The following ZNF385D variants were observed in gnomAD, a reference collection of about 807,000 sequenced individuals.
ZNF385D encodes zinc finger protein 659.
In ZNF385D, 15 loss-of-function variants were observed where a neutral mutation model predicts 35.8. That is an observed-to-expected ratio of 0.42 (90% CI 0.28 to 0.64). ZNF385D has a LOEUF of 0.64. Among genes scored for constraint, ZNF385D ranks in the 30% least tolerant of loss-of-function variants. The probability of loss-of-function intolerance (pLI) is 0.23; values close to 1 mark genes in which losing one functional copy is unlikely to be tolerated. For missense variants in ZNF385D, 474 were observed against 494.6 expected (o/e 0.96, Z 0.39); for synonymous variants, 212 against 186.8 (o/e 1.13, Z -1.10).
chr3:21,762,511 C>T (rs547088889), intron 3 of ZNF385D, among the ~76,000 whole-genome samples: 2 of 152,266 alleles, frequency 1.3e-5, no homozygotes, highest in South Asian at 4.2e-4. Context: ...AAGACTAATG[C>T]CCTTTATCAC....
At chr3:21,760,879 AATTT>A (rs1261751414) in intron 3 of ZNF385D, among the ~76,000 whole-genome samples, 2 of 152,144 alleles carry the variant, frequency 1.3e-5, no homozygotes, top group African/African-American at 2.4e-5. Context: ...TTTTAAATAT[AATTT>A]ATTTATATTT....
chr3:21,823,175 A>T (rs573371808), intron 3 of ZNF385D, among the ~76,000 whole-genome samples: 1 of 152,318 alleles, frequency 6.6e-6, no homozygotes, highest in African/African-American at 2.4e-5. Flanking sequence ...TATGCTCCAT[A>T]AAAACTTTAA....
intron 2 of ZNF385D, among the ~76,000 whole-genome samples, chr3:22,264,947 CAG>C (rs1559487230): frequency 1.3e-5 from 2 of 151,954 alleles, no homozygotes; most frequent in Admixed American, 1.3e-4. Context: ...GTAGTAGCCT[CAG>C]AAGTTCCTCT....
chr3:21,785,293 G>A (rs2071644625), intron 3 of ZNF385D, among the ~76,000 whole-genome samples: 1 of 152,036 alleles, frequency 6.6e-6, no homozygotes, highest in African/African-American at 2.4e-5. Flanking sequence ...ATAACTTGAT[G>A]ATTTCATATA....
intron 3 of ZNF385D, among the ~76,000 whole-genome samples, chr3:21,923,993 G>A (rs1700602660): frequency 6.6e-6 from 1 of 152,140 alleles, no homozygotes; most frequent in Non-Finnish European, 1.5e-5. Context: ...AAATGTGAAT[G>A]CTGAAAACTT....
intron 3 of ZNF385D, among the ~76,000 whole-genome samples, chr3:21,954,418 T>C (rs1204302792): frequency 6.6e-6 from 1 of 151,968 alleles, no homozygotes; most frequent in Admixed American, 6.6e-5. Context: ...TTTTAATTAT[T>C]TTATAGGCTC....
At chr3:22,105,193 T>C (rs1207678318) in intron 3 of ZNF385D, among the ~76,000 whole-genome samples, 1 of 152,046 alleles carries the variant, frequency 6.6e-6, no homozygotes, top group Non-Finnish European at 1.5e-5. Flanking sequence ...CTTCTGTATA[T>C]CAGAACCATA....
At chr3:22,157,344 C>A (rs1705654441) in intron 3 of ZNF385D, among the ~76,000 whole-genome samples, 1 of 152,070 alleles carries the variant, frequency 6.6e-6, no homozygotes, top group Admixed American at 6.6e-5. Flanking sequence ...TGTTACTCAT[C>A]ATTTATATTT....
intron 3 of ZNF385D, among the ~76,000 whole-genome samples, chr3:22,164,140 T>C (rs1158654690): frequency 1.3e-5 from 2 of 151,764 alleles, no homozygotes; most frequent in South Asian, 2.1e-4. Context: ...GTGAAATTTA[T>C]GGCATATAAC....
upstream of ZNF385D, among the ~76,000 whole-genome samples, chr3:21,753,137 T>C (rs915702515): frequency 3.9e-5 from 6 of 152,212 alleles, no homozygotes; most frequent in Admixed American, 3.9e-4. Flanking sequence ...TCACATGTCA[T>C]CTTTATTACT....
intron 1 of ZNF385D, among the ~76,000 whole-genome samples, chr3:21,744,750 G>A (rs749192739): frequency 3.3e-5 from 5 of 151,754 alleles, no homozygotes; most frequent in Non-Finnish European, 7.4e-5. Flanking sequence ...AGAGTCCTAT[G>A]AAAGAAGCAA....
chr3:21,738,143 G>A (rs2069337195), intron 1 of ZNF385D, among the ~76,000 whole-genome samples: 2 of 152,204 alleles, frequency 1.3e-5, no homozygotes, highest in South Asian at 4.1e-4. Context: ...GAGGAGTTTT[G>A]TTTGTGCATT....
At position 22,025,075 on chromosome 3, in the gene ZNF385D, T is replaced by C. The variant is rs542456999; in HGVS notation, c.325+143742A>G. Among the ~76,000 whole-genome samples the C allele has an allele frequency of 5.9e-5, 9 of 152,286 alleles. No homozygotes were observed. The South Asian group carries it at 1.7e-3, about 28-fold the overall frequency. ...AAGAATGGGACCCTGCAACTTGGAA[T>C]GGGGACATGTGGGAGGACCCTGATG... is the stretch of plus-strand genomic sequence containing the variant. On this transcript the variant is annotated intron_variant, in intron 3 of 5. Transcript: ENST00000494108.
chr3:21,747,321 C>A (rs976976718), intron 1 of ZNF385D, among the ~76,000 whole-genome samples: 3 of 152,138 alleles, frequency 2.0e-5, no homozygotes, highest in Non-Finnish European at 1.5e-5. Flanking sequence ...TAAAGTGTAT[C>A]ATTTCATTTT....
At chr3:22,178,496 A>C (rs368031230) in intron 2 of ZNF385D, among the ~76,000 whole-genome samples, 1 of 152,100 alleles carries the variant, frequency 6.6e-6, no homozygotes, top group Non-Finnish European at 1.5e-5. Flanking sequence ...TTGTCAGATG[A>C]GTAGATTGCA....
chr3:22,165,800 A>T lies in ZNF385D; in HGVS notation c.325+3017T>A, dbSNP rs533067637. ...AATTCTTGGCAACTCTTGCCTCAAC[A>T]CAACCCAATCCCACAGGCCAGGGTC... On this transcript the variant is annotated intron_variant, in intron 3 of 5. Coordinates refer to the ZNF385D transcript ENST00000494108. 1.1e-4 allele frequency among the ~76,000 whole-genome samples: 17 copies of T among 152,286 alleles called. No individual in the cohort carries two copies. The East Asian group carries it at 3.1e-3, about 28-fold the overall frequency.
chr3:22,107,695 T>C (rs1308208918), intron 3 of ZNF385D, among the ~76,000 whole-genome samples: 2 of 152,140 alleles, frequency 1.3e-5, no homozygotes, highest in African/African-American at 4.8e-5. Context: ...ATTGTTGATA[T>C]ATTTCCTTCT....
Position 21,545,829 on chromosome 3 carries a change from A to G in ZNF385D, c.276+18745T>C, listed in dbSNP as rs540796081. Among the ~76,000 whole-genome samples the G allele has an allele frequency of 5.9e-5, 9 of 152,250 alleles. No homozygotes were observed. In the East Asian group the frequency reaches 1.5e-3, roughly 26 times the overall value. ...AAGAGTGTCACTTTCTAACAGGTCT[A>G]GGAACTCCAAGTTTATCTTGGGACC... On this transcript the variant is annotated intron_variant, in intron 3 of 7. Coordinates refer to ENST00000281523, the MANE Select transcript of ZNF385D (RefSeq NM_024697.3).
At chr3:21,738,244 T>C (rs2069342564) in intron 1 of ZNF385D, among the ~76,000 whole-genome samples, 2 of 152,372 alleles carry the variant, frequency 1.3e-5, no homozygotes, top group South Asian at 4.1e-4. Flanking sequence ...TGTCAGAGAC[T>C]GGAATTTATT....
Sources: gnomAD v4.1 joint callset for allele counts (sites outside exome capture counted in the v4.1 genomes callset) on GRCh38, gnomAD v4.1.1 for gene constraint, MANE v1.5 for transcripts, NCBI Gene and HGNC (gene_info 2026-07-23, HGNC 2026-07-21) for gene names.